Variants in RPTOR observed in about 807,000 individuals in gnomAD.
The protein encoded by RPTOR is regulatory associated protein of MTOR complex 1.
Under a neutral mutation model 169.9 loss-of-function variants are expected in RPTOR, and 21 were observed. That is an observed-to-expected ratio of 0.12 (90% CI 0.09 to 0.18). The LOEUF (loss-of-function observed/expected upper bound fraction) is 0.18, where lower values mean the gene tolerates loss of function less well. RPTOR is among the 10% of genes least tolerant of loss of function. RPTOR has a pLI of 1.00. For synonymous variants in RPTOR, 732 were observed against 753.2 expected (o/e 0.97, Z 0.46); for missense variants, 1,133 against 1,855.9 (o/e 0.61, Z 7.16).
At position 80,892,817 on chromosome 17, in the gene RPTOR, C is replaced by T. The variant is rs750022828; in HGVS notation, c.2190C>T (p.Ala730=). Residue 730 remains alanine (A), a synonymous_variant, in exon 19 of 34, where the codon GCC becomes GCT. Transcript: ENST00000306801. ...VSSYGNIRAV[A]TARSLNKSLQ... is the part of the protein sequence containing the mutation. The stretch of plus-strand genomic sequence containing the variant: ...CCTATGGAAACATCCGTGCTGTCGC[C>T]ACAGCCAGGAGCCTCAACAAATCTT... 1.9e-6 allele frequency: 3 copies of T among 1,614,106 alleles called. No individual in the cohort carries two copies. Among genetic ancestry groups the T allele is most frequent in the African/African-American group, 1.3e-5 (1 of 74,928 alleles).
chr17:80,915,920 C>G (rs1003508276), intron 21 of RPTOR, among the ~76,000 whole-genome samples: 39 of 152,318 alleles, frequency 2.6e-4, no homozygotes, highest in African/African-American at 8.9e-4. Context: ...TCCAGGGTCT[C>G]TTTTCTGCTG....
chr17:80,795,561 TTA>T (rs1490699377), intron 7 of RPTOR, among the ~76,000 whole-genome samples: 2 of 151,548 alleles, frequency 1.3e-5, no homozygotes, highest in African/African-American at 4.9e-5. Context: ...TGCTAAAGGT[TTA>T]TTTTTTTTTT....
intron 3 of RPTOR, among the ~76,000 whole-genome samples, chr17:80,658,097 C>A (rs1406393859): frequency 1.3e-5 from 2 of 152,192 alleles, no homozygotes; most frequent in Admixed American, 6.5e-5. Context: ...TACCCACCCC[C>A]CTTTACTTTG....
intron 1 of RPTOR, among the ~76,000 whole-genome samples, chr17:80,577,392 T>C (rs2064973693): frequency 1.3e-5 from 2 of 152,142 alleles, no homozygotes; most frequent in Non-Finnish European, 2.9e-5. Context: ...TGTTTTCTTT[T>C]AGACTTTGAG....
chr17:80,797,007 C>G (rs2067107910), intron 7 of RPTOR, among the ~76,000 whole-genome samples: 1 of 152,246 alleles, frequency 6.6e-6, no homozygotes, highest in African/African-American at 2.4e-5. Flanking sequence ...TTTTAACTTG[C>G]ATAGACACAG....
Position 80,887,590 on chromosome 17 carries a change from C to G in RPTOR, c.1983+2442C>G, listed in dbSNP as rs927607617. 2.6e-5 allele frequency among the ~76,000 whole-genome samples: 4 copies of G among 152,304 alleles called. No individual in the cohort carries two copies. In the East Asian group the frequency reaches 5.8e-4, roughly 22 times the overall value. ...CTCTTCTCAAGGACCATCCTGAGCC[C>G]GTCCTGAGCCTGCTGTGGGGCTGGG... On this transcript the variant is annotated intron_variant, in intron 17 of 33. Transcript: ENST00000306801.
chr17:80,826,077 T>C (rs2067439602), intron 9 of RPTOR, among the ~76,000 whole-genome samples: 1 of 152,084 alleles, frequency 6.6e-6, no homozygotes, highest in African/African-American at 2.4e-5. Context: ...GCATTCTGCG[T>C]TGGTTGTCAG....
intron 6 of RPTOR, among the ~76,000 whole-genome samples, chr17:80,785,044 T>C (rs1441723071): frequency 6.6e-6 from 1 of 152,216 alleles, no homozygotes; most frequent in African/African-American, 2.4e-5. Context: ...AAAATTCCTT[T>C]TGTGAAAAAG....
At chr17:80,576,949 A>G (rs2064968922) in intron 1 of RPTOR, among the ~76,000 whole-genome samples, 1 of 151,824 alleles carries the variant, frequency 6.6e-6, no homozygotes, top group Non-Finnish European at 1.5e-5. Flanking sequence ...GGCGATCCAC[A>G]TACCTTGGCC....
chr17:80,546,661 A>G (rs1484392582), intron 1 of RPTOR, among the ~76,000 whole-genome samples: 1 of 152,210 alleles, frequency 6.6e-6, no homozygotes, highest in Non-Finnish European at 1.5e-5. Flanking sequence ...GTGGTATAAA[A>G]GAGGAAGTTG....
At chr17:80,904,776 C>G (rs1047106757) in intron 20 of RPTOR, among the ~76,000 whole-genome samples, 1 of 152,148 alleles carries the variant, frequency 6.6e-6, no homozygotes, top group Non-Finnish European at 1.5e-5. Context: ...ACAGTTCATA[C>G]AACGGAGCCT....
intron 7 of RPTOR, among the ~76,000 whole-genome samples, chr17:80,808,275 A>C (rs186214280): frequency 1.3e-5 from 2 of 152,024 alleles, no homozygotes; most frequent in Non-Finnish European, 2.9e-5. Flanking sequence ...AAAAATTAAA[A>C]TCAGCTGGGC....
chr17:80,637,401 C>T (rs1035388141), intron 2 of RPTOR, among the ~76,000 whole-genome samples: 6 of 152,192 alleles, frequency 3.9e-5, no homozygotes, highest in African/African-American at 1.4e-4. Flanking sequence ...ACCTGCGTTT[C>T]CAGCCCTGCC....
Position 80,823,259 on chromosome 17 carries a change from C to G in RPTOR, c.1136+36C>G, listed in dbSNP as rs1287822456. 2 of 1,606,994 alleles carry G rather than the reference C, an allele frequency of 1.2e-6. No homozygotes were observed. The highest frequency in any genetic ancestry group is 2.2e-5 in the East Asian group (1 of 44,766). ...CAGGATCCTCCAGGTGCCGTGCTCCCCCGCCCTCCGTGGCACTGTGATGTC... is the reference window on the plus strand; with the variant it reads ...CAGGATCCTCCAGGTGCCGTGCTCCGCCGCCCTCCGTGGCACTGTGATGTC... On this transcript the variant is annotated intron_variant, in intron 9 of 33. Coordinates refer to ENST00000306801, the MANE Select transcript of RPTOR (RefSeq NM_020761.3). This position sits in a 1 kb window ranked among gnomAD's most constrained non-coding sequence, Gnocchi z 4.5.
intron 6 of RPTOR, among the ~76,000 whole-genome samples, chr17:80,757,101 A>G (rs2066688280): frequency 6.6e-6 from 1 of 152,166 alleles, no homozygotes; most frequent in Admixed American, 6.5e-5. Flanking sequence ...GAGATGGGAA[A>G]CAGAAAAGCC....
intron 7 of RPTOR, among the ~76,000 whole-genome samples, chr17:80,807,611 C>A (rs2067232343): frequency 6.6e-6 from 1 of 152,196 alleles, no homozygotes. Flanking sequence ...CTTGGCTTCC[C>A]AAAGGGCTGG....
rs967221469 is a variant in RPTOR, at chr17:80,746,867, C to T, written c.655-7143C>T. On this transcript the variant is annotated intron_variant, in intron 5 of 33. Coordinates refer to ENST00000306801, the MANE Select transcript of RPTOR (RefSeq NM_020761.3). This position sits in a 1 kb window ranked among gnomAD's most constrained non-coding sequence, Gnocchi z 4.5. ...TTTTTTTTCCCTTGGGTTAGCAATC[C>T]TGAAGAACGTTCATTGGCAGAACCC... is the stretch of plus-strand genomic sequence containing the variant. 6.6e-6 allele frequency among the ~76,000 whole-genome samples: 1 copy of T among 151,430 alleles called. No homozygotes were observed. The highest frequency in any genetic ancestry group is 1.5e-5 in the Non-Finnish European group (1 of 67,910).
intron 1 of RPTOR, among the ~76,000 whole-genome samples, chr17:80,612,793 A>G (rs900861560): frequency 1.3e-5 from 2 of 152,168 alleles, no homozygotes; most frequent in African/African-American, 4.8e-5. Context: ...ACCTGAGCCC[A>G]GGAGGTTGAG....
chr17:80,598,776 C>G (rs533785996), intron 1 of RPTOR, among the ~76,000 whole-genome samples: 4 of 152,206 alleles, frequency 2.6e-5, no homozygotes, highest in Non-Finnish European at 5.9e-5. Context: ...CTGATACCGT[C>G]ACAGTAGAAT....
Sources: allele counts gnomAD v4.1 joint callset (sites outside exome capture counted in the v4.1 genomes callset), GRCh38; gene constraint gnomAD v4.1.1; non-coding constraint Gnocchi (gnomAD v3.1); transcripts MANE v1.5; gene names NCBI Gene and HGNC (gene_info 2026-07-23, HGNC 2026-07-21).